RYR1: variants seen among roughly 807,000 people sequenced by gnomAD.
RYR1 encodes central core disease of muscle.
Under a neutral mutation model 583.5 loss-of-function variants are expected in RYR1, and 342 were observed. That is an observed-to-expected ratio of 0.59 (90% CI 0.54 to 0.64). RYR1 has a LOEUF of 0.64. Ranked by LOEUF, RYR1 falls within the 30% of genes least tolerant of loss-of-function variation. The probability of loss-of-function intolerance (pLI) is 0.00; values close to 1 mark genes in which losing one functional copy is unlikely to be tolerated. For missense variants in RYR1, 6,032 were observed against 6,917.2 expected (o/e 0.87, Z 4.54); for synonymous variants, 2,791 against 2,822.5 (o/e 0.99, Z 0.35).
intron 82 of RYR1, among the ~76,000 whole-genome samples, chr19:38,536,428 C>A (rs1168110708): frequency 2.6e-5 from 4 of 151,632 alleles, no homozygotes; most frequent in African/African-American, 9.7e-5. Context: ...CTCCTCTTTG[C>A]CGTGTTGTGA....
intron 84 of RYR1, among the ~76,000 whole-genome samples, chr19:38,539,672 A>G (rs969177920): frequency 3.3e-5 from 5 of 152,186 alleles, no homozygotes; most frequent in Non-Finnish European, 4.4e-5. Flanking sequence ...GTCTCCCAAC[A>G]TATTTGCAAC....
At chr19:38,474,579 T>TC (rs1968615678) in intron 28 of RYR1, among the ~76,000 whole-genome samples, 1 of 138,868 alleles carries the variant, frequency 7.2e-6, no homozygotes, top group African/African-American at 2.7e-5. Context: ...TTTTTTTTTT[T>TC]TTTTTTTTTT....
At chr19:38,581,978 G>A (rs539851252) in intron 101 of RYR1, among the ~76,000 whole-genome samples, 13 of 152,292 alleles carry the variant, frequency 8.5e-5, no homozygotes, top group Admixed American at 3.3e-4. Flanking sequence ...CTTATGAGCC[G>A]TGTGATTTTG....
intron 65 of RYR1, among the ~76,000 whole-genome samples, chr19:38,516,873 G>C (rs918998876): frequency 6.6e-6 from 1 of 152,114 alleles, no homozygotes; most frequent in African/African-American, 2.4e-5. Context: ...GGAAATATAC[G>C]CTCCAAGGCA....
At chr19:38,566,123 A>G (rs1277983644) in intron 91 of RYR1, among the ~76,000 whole-genome samples, 1 of 151,900 alleles carries the variant, frequency 6.6e-6, no homozygotes, top group South Asian at 2.1e-4. Context: ...AGAGAGAGTA[A>G]GAAACCCAGA....
At chr19:38,520,265 T>C (rs1432312517) in intron 67 of RYR1, among the ~76,000 whole-genome samples, 1 of 151,230 alleles carries the variant, frequency 6.6e-6, no homozygotes, top group Non-Finnish European at 1.5e-5. Flanking sequence ...GGGGTCTCAC[T>C]ATGTTGCCCA....
At position 38,493,462 on chromosome 19, in the gene RYR1, G is replaced by C. The variant is rs1048561019; in HGVS notation, c.6274+826G>C. On this transcript the variant is annotated intron_variant, in intron 38 of 105. Transcript: ENST00000359596. The stretch of plus-strand genomic sequence containing the variant: ...ACCAGGGCTGGGAAATACAGCCGAG[G>C]GGGGAAAGTCAAAGCCCCTGCCCAC... Among the ~76,000 whole-genome samples, 20 of 152,144 alleles carry C rather than the reference G, an allele frequency of 1.3e-4. No individual in the cohort carries two copies. The South Asian group carries it at 3.9e-3, about 30-fold the overall frequency.
In RYR1 at chr19:38,517,571, G is replaced by A. The variant is rs1568528516; in HGVS notation, c.9898G>A (p.Ala3300Thr). The change falls in exon 66 of 106, where the codon GCC becomes ACC. Residue 3300 changes from alanine to threonine, a missense_variant. Ala to Thr is a moderately conservative substitution (Grantham distance 58, BLOSUM62 0). Coordinates refer to ENST00000359596, the MANE Select transcript of RYR1 (RefSeq NM_000540.3). ...ACCCCCTTCCGCCCTGCCCGCCGGCGCCCCCCCACCCTGCACAGCTGTCAC... is the reference window on the plus strand; with the variant it reads ...ACCCCCTTCCGCCCTGCCCGCCGGCACCCCCCCACCCTGCACAGCTGTCAC... ...EAPPSALPAG[A>T]PPPCTAVTSD... is the part of the protein sequence containing the mutation. 11 of 1,613,426 alleles carry A rather than the reference G, an allele frequency of 6.8e-6. No homozygotes were observed. Among genetic ancestry groups the A allele is most frequent in the Admixed American group, 1.7e-5 (1 of 59,974 alleles).
chr19:38,444,536 G>C lies in RYR1; in HGVS notation c.538-48G>C, dbSNP rs200509864. On this transcript the variant is annotated intron_variant, in intron 6 of 105. Coordinates refer to ENST00000359596, the MANE Select transcript of RYR1 (RefSeq NM_000540.3). This position sits in a 1 kb window ranked among gnomAD's most constrained non-coding sequence, Gnocchi z 5.1. ...TCTGGCCTCTGACGCTGGGACTCTC[G>C]CCCACCCCTGCAATCGTCTCTGACT... 8 of 1,542,842 alleles carry C rather than the reference G, an allele frequency of 5.2e-6. No individual in the cohort carries two copies. The highest frequency in any genetic ancestry group is 6.2e-6 in the Non-Finnish European group (7 of 1,122,338).
rs937609442 is a variant in RYR1, at chr19:38,444,821, C to T, written c.631+144C>T. On this transcript the variant is annotated intron_variant, in intron 7 of 105. Coordinates refer to ENST00000359596, the MANE Select transcript of RYR1 (RefSeq NM_000540.3). This position sits in a 1 kb window ranked among gnomAD's most constrained non-coding sequence, Gnocchi z 5.1. Reference sequence around the variant, plus strand: ...ATTATGGCTCTCACACTTAGATCTCCAGCTGACCCCAAATCCAGACCCCCA... The same window carrying T: ...ATTATGGCTCTCACACTTAGATCTCTAGCTGACCCCAAATCCAGACCCCCA... 3.0e-6 allele frequency: 2 copies of T among 656,908 alleles called. No individual in the cohort carries two copies. The highest frequency in any genetic ancestry group is 1.8e-5 in the African/African-American group (1 of 55,666). 40.7% of individuals were successfully genotyped at this position (656,908 alleles called of 1,614,324 possible). A position where few individuals can be genotyped will look rare whatever the true frequency, so the allele number is the denominator to read the frequency against.
intron 99 of RYR1, among the ~76,000 whole-genome samples, chr19:38,579,094 G>A (rs553394104): frequency 4.0e-5 from 6 of 151,068 alleles, no homozygotes; most frequent in African/African-American, 9.7e-5. Context: ...GCACTCCAGC[G>A]TGGATAACAG....
At chr19:38,505,176 C>T in intron 52 of RYR1, 95 bp downstream of exon 52, 5 of 1,259,046 alleles carry the variant, frequency 4.0e-6, no homozygotes, top group South Asian at 2.5e-5. Flanking sequence ...TCCCTGAGAC[C>T]CCCCAGCCTT....
chr19:38,585,880 AG>A, intron 102 of RYR1, 57 bp from the exon 103 acceptor site: 2 of 1,601,780 alleles, frequency 1.2e-6, no homozygotes, highest in Non-Finnish European at 8.6e-7. Flanking sequence ...GTAGCTGGAG[AG>A]GGGGGAGTCT....
intron 31 of RYR1, among the ~76,000 whole-genome samples, chr19:38,480,449 C>A (rs1473988425): frequency 1.3e-5 from 2 of 152,068 alleles, no homozygotes; most frequent in Non-Finnish European, 1.5e-5. Flanking sequence ...TGGCTTGTTT[C>A]ATCTTTTTAT....
intron 101 of RYR1, among the ~76,000 whole-genome samples, chr19:38,581,195 T>A (rs142790774): frequency 0.026 from 4,004 of 151,786 alleles, 155 homozygotes; most frequent in East Asian, 0.11. Context: ...CTCCTGCCTC[T>A]GCCTCCCGAG....
intron 35 of RYR1, 124 bp from the exon 36 acceptor site, chr19:38,489,952 C>T (rs978901989): frequency 2.9e-5 from 28 of 981,014 alleles, no homozygotes; most frequent in Admixed American, 9.4e-5. Flanking sequence ...AGGTTCCAGG[C>T]GGGAAATGAT....
rs1971404880 is a variant in RYR1, at chr19:38,525,030, GC to G, written c.10456-300del. Among the ~76,000 whole-genome samples, 3 of 152,230 alleles carry G rather than the reference GC, an allele frequency of 2.0e-5. No individual in the cohort carries two copies. The East Asian group carries it at 5.8e-4, about 29-fold the overall frequency. The stretch of plus-strand genomic sequence containing the variant: ...GGCTGAGGCAGGAGGATCACTTGAA[GC>G]CAAGAGTTCAAGTCCAGCCTGGGCA... On this transcript the variant is annotated intron_variant, in intron 70 of 105. Coordinates refer to ENST00000359596, the MANE Select transcript of RYR1 (RefSeq NM_000540.3).
intron 87 of RYR1, 80 bp from the exon 88 acceptor site, chr19:38,546,365 G>T: frequency 8.1e-7 from 1 of 1,231,710 alleles, no homozygotes; most frequent in South Asian, 1.2e-5. Context: ...GGCCCTGCTG[G>T]GTAGGTGAGG....
chr19:38,535,084 G>A, intron 79 of RYR1, 57 bp from the exon 80 acceptor site: 1 of 1,553,662 alleles, frequency 6.4e-7, no homozygotes, highest in South Asian at 1.1e-5. Flanking sequence ...TTTCTGGTGG[G>A]TGGAACACAC....
Sources: allele counts gnomAD v4.1 joint callset (sites outside exome capture counted in the v4.1 genomes callset), GRCh38; gene constraint gnomAD v4.1.1; non-coding constraint Gnocchi (gnomAD v3.1); transcripts MANE v1.5; gene names NCBI Gene and HGNC (gene_info 2026-07-23, HGNC 2026-07-21).